The following CTLA4 variants were observed in gnomAD, a reference collection of about 807,000 sequenced individuals.
The protein encoded by CTLA4 is cytotoxic T-lymphocyte associated protein 4, also known as cytotoxic T-lymphocyte protein 4.
In CTLA4, 3 loss-of-function variants were observed where a neutral mutation model predicts 20.4. That is an observed-to-expected ratio of 0.15 (90% CI 0.07 to 0.38). The LOEUF (loss-of-function observed/expected upper bound fraction) is 0.38. CTLA4 is among the 10% of genes least tolerant of loss of function. The pLI is 1.00. For missense variants in CTLA4, 184 were observed against 276.8 expected (o/e 0.66, Z 2.38); for synonymous variants, 100 against 105.2 (o/e 0.95, Z 0.30).
intron 2 of CTLA4, among the ~76,000 whole-genome samples, 188 bp from the exon 3 acceptor site, chr2:203,871,190 T>TTGATA (rs1385061573): frequency 6.6e-6 from 1 of 152,158 alleles, no homozygotes; most frequent in African/African-American, 2.4e-5. Context: ...ATCTGTACTT[T>TTGATA]TGATATGATA....
intron 3 of CTLA4, 67 bp from the exon 4 acceptor site, chr2:203,872,641 C>A (rs1053216286): frequency 8.6e-5 from 81 of 942,990 alleles, no homozygotes; most frequent in South Asian, 2.4e-4. Flanking sequence ...GTGTTGAGTT[C>A]TATTATGGTT....
Position 203,870,482 on chromosome 2 carries a change from G to C in CTLA4, c.110-104G>C, listed in dbSNP as rs140298725. ...TAAGTGATAGATTCGTTGAAGGGGG[G>C]AGAAAAGGCCGTGGGGATGAAGCTA... is the stretch of plus-strand genomic sequence containing the variant. On this transcript the variant is annotated intron_variant, in intron 1 of 3. Coordinates refer to ENST00000648405, the MANE Select transcript of CTLA4 (RefSeq NM_005214.5). This position sits in a 1 kb window ranked among gnomAD's most constrained non-coding sequence, Gnocchi z 5.3. 1.2e-3 allele frequency: 1,501 copies of C among 1,237,222 alleles called. 18 individuals are homozygous for C. The African/African-American group carries it at 0.021, about 17-fold the overall frequency. 76.6% of individuals were successfully genotyped at this position (1,237,222 alleles called of 1,614,324 possible).
In CTLA4 at chr2:203,870,739, C is replaced by A. The variant is rs1688715376; in HGVS notation, c.263C>A (p.Thr88Asn). The A allele has an allele frequency of 6.2e-7, 1 of 1,614,052 alleles. No homozygotes were observed. The highest frequency in any genetic ancestry group is 8.5e-7 in the Non-Finnish European group (1 of 1,180,032). ...CAGGTGACTGAAGTCTGTGCGGCAA[C>A]CTACATGATGGGGAATGAGTTGACC... ...DSQVTEVCAA[T>N]YMMGNELTFL... The change falls in exon 2 of 4, where the codon ACC becomes AAC. Residue 88 changes from threonine (T) to asparagine (N), a missense_variant. Transcript: ENST00000648405. The surrounding 1 kb of genome is among the most constrained non-coding windows in gnomAD (Gnocchi z 5.3).
At chr2:203,871,816 A>G (rs1437159699) in intron 3 of CTLA4, among the ~76,000 whole-genome samples, 5 of 152,208 alleles carry the variant, frequency 3.3e-5, no homozygotes, top group Non-Finnish European at 7.3e-5. Context: ...GCCCTGAAAC[A>G]TGAGATTAGG....
intron 3 of CTLA4, among the ~76,000 whole-genome samples, chr2:203,871,766 T>C (rs1187160753): frequency 6.6e-6 from 1 of 152,148 alleles, no homozygotes; most frequent in Non-Finnish European, 1.5e-5. Context: ...GGGCAGCTGT[T>C]TTGCTCTTTG....
In CTLA4 at chr2:203,870,745, T is replaced by G. The variant is rs2105775331; in HGVS notation, c.269T>G (p.Met90Arg). 4.3e-6 allele frequency: 7 copies of G among 1,614,168 alleles called. No individual in the cohort carries two copies. The South Asian group carries it at 7.7e-5, about 18-fold the overall frequency. The change falls in exon 2 of 4, where the codon ATG becomes AGG. Residue 90 changes from methionine (M) to arginine (R), a missense_variant. By Grantham distance (91) the Met-to-Arg change is moderately conservative. Transcript: ENST00000648405. This position sits in a 1 kb window ranked among gnomAD's most constrained non-coding sequence, Gnocchi z 5.3. Reference sequence around the variant, plus strand: ...ACTGAAGTCTGTGCGGCAACCTACATGATGGGGAATGAGTTGACCTTCCTA... The same window carrying G: ...ACTGAAGTCTGTGCGGCAACCTACAGGATGGGGAATGAGTTGACCTTCCTA... ...QVTEVCAATY[M>R]MGNELTFLDD... is the part of the protein sequence containing the mutation.
intron 1 of CTLA4, among the ~76,000 whole-genome samples, chr2:203,869,625 G>T (rs960656699): frequency 1.3e-5 from 2 of 152,228 alleles, no homozygotes; most frequent in Non-Finnish European, 2.9e-5. Flanking sequence ...TGTTAGTAAA[G>T]TGTCAAAGGG....
Position 203,867,872 on chromosome 2 carries a change from T to C in CTLA4, c.-71T>C. ...TTGATTCTGTGTGGGTTCAAACACA[T>C]TTCAAAGCTTCAGGATCCTGAAAGG... On this transcript the variant is annotated 5_prime_UTR_variant, in exon 1 of 4. Transcript: ENST00000648405. 9 of 1,146,396 alleles carry C rather than the reference T, an allele frequency of 7.9e-6. No individual in the cohort carries two copies. Among genetic ancestry groups the C allele is most frequent in the Non-Finnish European group, 1.0e-5 (8 of 771,444 alleles). The allele number at this position is 1,146,396 out of a possible 1,614,324, so 71.0% of individuals were successfully genotyped here.
rs1357774202 is a variant in CTLA4 at position 203,870,898 on chromosome 2, T to A, written c.422T>A (p.Leu141Gln). The A allele has an allele frequency of 6.2e-7, 1 of 1,614,044 alleles. No homozygotes were observed. The highest frequency in any genetic ancestry group is 1.1e-5 in the South Asian group (1 of 91,082). ...VELMYPPPYYLGIGNGTQIYV... is the reference protein window; with the variant it reads ...VELMYPPPYYQGIGNGTQIYV... ...CTCATGTACCCACCGCCATACTACC[T>A]GGGCATAGGCAACGGAACCCAGATT... is the stretch of plus-strand genomic sequence containing the variant. The change falls in exon 2 of 4, where the codon CTG becomes CAG. Residue 141 changes from leucine to glutamine, a missense_variant. Transcript: ENST00000648405. This position sits in a 1 kb window ranked among gnomAD's most constrained non-coding sequence, Gnocchi z 5.3.
rs757773669 is a variant in CTLA4, at chr2:203,870,847, C to T, written c.371C>T (p.Thr124Met). ...ATCCAAGGACTGAGGGCCATGGACA[C>T]GGGACTCTACATCTGCAAGGTGGAG... is the stretch of plus-strand genomic sequence containing the variant. The part of the protein sequence containing the change: ...LTIQGLRAMD[T>M]GLYICKVELM... The change falls in exon 2 of 4, where the codon ACG (threonine) becomes ATG (methionine). Residue 124 changes from threonine (T) to methionine (M), a missense_variant. Thr to Met is a moderately conservative substitution (Grantham distance 81). Around this residue, in one of 3 missense-constraint regions of CTLA4, gnomAD observed 147 missense variants for 223.4 expected, o/e 0.66. Transcript: ENST00000648405. The surrounding 1 kb of genome is among the most constrained non-coding windows in gnomAD (Gnocchi z 5.3). 14 of 1,614,044 alleles carry T rather than the reference C, an allele frequency of 8.7e-6. No homozygotes were observed. Among genetic ancestry groups the T allele is most frequent in the African/African-American group, 4.0e-5 (3 of 74,914 alleles).
chr2:203,871,959 A>G (rs759518447), intron 3 of CTLA4, among the ~76,000 whole-genome samples: 19 of 152,148 alleles, frequency 1.2e-4, no homozygotes, highest in Non-Finnish European at 2.6e-4. Flanking sequence ...AGCTGCTCAC[A>G]TGACACCTAT....
Position 203,872,752 on chromosome 2 carries a change from G to A in CTLA4, c.612G>A (p.Met204Ile). 6.2e-7 allele frequency: 1 copy of A among 1,613,550 alleles called. No individual in the cohort carries two copies. The highest frequency in any genetic ancestry group is 8.5e-7 in the Non-Finnish European group (1 of 1,179,508). The change falls in exon 4 of 4, where the codon ATG becomes ATA. Residue 204 changes from methionine to isoleucine, a missense_variant. This residue lies in a region of CTLA4 where 147 missense variants were observed against 223.4 expected (regional missense o/e 0.66). Transcript: ENST00000648405. ...SPLTTGVYVK[M>I]PPTEPECEKQ... is the part of the protein sequence containing the mutation. Reference sequence around the variant, plus strand: ...TTACAACAGGGGTCTATGTGAAAATGCCCCCAACAGAGCCAGAATGTGAAA... The same window carrying A: ...TTACAACAGGGGTCTATGTGAAAATACCCCCAACAGAGCCAGAATGTGAAA...
Position 203,872,753 on chromosome 2 carries a change from C to A in CTLA4, c.613C>A (p.Pro205Thr). Residue 205 changes from proline to threonine, a missense_variant, in exon 4 of 4, where the codon CCC becomes ACC. By Grantham distance (38) the Pro-to-Thr change is conservative. Coordinates refer to ENST00000648405, the MANE Select transcript of CTLA4 (RefSeq NM_005214.5). ...TACAACAGGGGTCTATGTGAAAATG[C>A]CCCCAACAGAGCCAGAATGTGAAAA... The part of the protein sequence containing the change: ...PLTTGVYVKM[P>T]PTEPECEKQF... 6.2e-7 allele frequency: 1 copy of A among 1,613,222 alleles called. No individual in the cohort carries two copies. The highest frequency in any genetic ancestry group is 8.5e-7 in the Non-Finnish European group (1 of 1,179,222).
chr2:203,871,373 T>C lies in CTLA4; in HGVS notation c.458-5T>C. 6.2e-7 allele frequency: 1 copy of C among 1,612,530 alleles called. No individual in the cohort carries two copies. Among genetic ancestry groups the C allele is most frequent in the Non-Finnish European group, 8.5e-7 (1 of 1,178,520 alleles). On this transcript the variant is annotated splice_polypyrimidine_tract_variant and splice_region_variant and intron_variant, in intron 2 of 3. Coordinates refer to ENST00000648405, the MANE Select transcript of CTLA4 (RefSeq NM_005214.5). ...AGGGAGGCTCTGCTTTGTTTTCTGT[T>C]GCAGATCCAGAACCGTGCCCAGATT...
At chr2:203,871,042 A>C in intron 2 of CTLA4, 109 bp downstream of exon 2, 1 of 895,732 alleles carries the variant, frequency 1.1e-6, no homozygotes, top group Non-Finnish European at 1.7e-6. Context: ...GACTGTGGAC[A>C]TTCTCTTTAA....
intron 3 of CTLA4, among the ~76,000 whole-genome samples, chr2:203,872,225 TC>T (rs1407974845): frequency 1.2e-4 from 19 of 152,080 alleles, no homozygotes; most frequent in African/African-American, 4.6e-4. Flanking sequence ...TCGCTCTTTC[TC>T]TCTCTCTCTT....
chr2:203,868,546 G>C (rs528140387), intron 1 of CTLA4, among the ~76,000 whole-genome samples: 1 of 152,164 alleles, frequency 6.6e-6, no homozygotes, highest in South Asian at 2.1e-4. Flanking sequence ...TAAAATGTAG[G>C]GAAATTGTGG....
At position 203,872,916 on chromosome 2, in the gene CTLA4, G is replaced by T; in HGVS notation, c.*104G>T. 1.4e-6 allele frequency: 1 copy of T among 739,500 alleles called. No individual in the cohort carries two copies. Among genetic ancestry groups the T allele is most frequent in the Non-Finnish European group, 2.3e-6 (1 of 430,764 alleles). The allele number at this position is 739,500 out of a possible 1,614,324, so 45.8% of individuals were successfully genotyped here. A position where few individuals can be genotyped will look rare whatever the true frequency, so the allele number is the denominator to read the frequency against. The stretch of plus-strand genomic sequence containing the variant: ...TTTTTATTTGTTTGTGCATTTGGGG[G>T]GAATTCATCTCTCTTTAATATAAAG... On this transcript the variant is annotated 3_prime_UTR_variant, in exon 4 of 4. Coordinates refer to ENST00000648405, the MANE Select transcript of CTLA4 (RefSeq NM_005214.5).
chr2:203,870,932 T>A lies in CTLA4; in HGVS notation c.456T>A (p.Ile152=), dbSNP rs1242260236. 4 of 1,611,074 alleles carry A rather than the reference T, an allele frequency of 2.5e-6. No individual in the cohort carries two copies. The South Asian group carries it at 4.4e-5, about 18-fold the overall frequency. The stretch of plus-strand genomic sequence containing the variant: ...GCAACGGAACCCAGATTTATGTAAT[T>A]GGTGAGCAAAGCCATTTCACTGAGT... ...GIGNGTQIYV[I]DPEPCPDSDF... Residue 152 remains isoleucine (I), a splice_region_variant and synonymous_variant, in exon 2 of 4, where the codon ATT becomes ATA. Coordinates refer to ENST00000648405, the MANE Select transcript of CTLA4 (RefSeq NM_005214.5). The surrounding 1 kb of genome is among the most constrained non-coding windows in gnomAD (Gnocchi z 5.3).
Sources: gnomAD v4.1 joint callset for allele counts (sites outside exome capture counted in the v4.1 genomes callset) on GRCh38, gnomAD v4.1.1 for gene constraint, gnomAD v4.1.1 regional missense constraint, Gnocchi (gnomAD v3.1) non-coding constraint, MANE v1.5 for transcripts, NCBI Gene and HGNC (gene_info 2026-07-23, HGNC 2026-07-21) for gene names.